GMDS: variants seen among roughly 807,000 people sequenced by gnomAD.
GMDS encodes GDP-mannose 4,6-dehydratase.
In GMDS, 20 loss-of-function variants were observed where a neutral mutation model predicts 49.9. That is an observed-to-expected ratio of 0.40 (90% CI 0.28 to 0.58). The LOEUF (loss-of-function observed/expected upper bound fraction) is 0.58, where lower values mean the gene tolerates loss of function less well. GMDS is among the 20% of genes least tolerant of loss of function. The pLI is 0.42. For missense variants in GMDS, 362 were observed against 481.4 expected (o/e 0.75, Z 2.32); for synonymous variants, 177 against 178.6 (o/e 0.99, Z 0.07).
At chr6:1,844,158 T>C (rs1003310552) in intron 7 of GMDS, among the ~76,000 whole-genome samples, 1 of 152,254 alleles carries the variant, frequency 6.6e-6, no homozygotes, top group African/African-American at 2.4e-5. Context: ...CTAGGGCTTA[T>C]TATCCCCAAA....
At chr6:2,235,461 A>G (rs1231898955) in intron 1 of GMDS, among the ~76,000 whole-genome samples, 1 of 152,172 alleles carries the variant, frequency 6.6e-6, no homozygotes. Flanking sequence ...TTCAAGCAAA[A>G]AGAAAACAAA....
At chr6:2,058,127 G>C (rs1770885799) in intron 4 of GMDS, among the ~76,000 whole-genome samples, 1 of 152,124 alleles carries the variant, frequency 6.6e-6, no homozygotes, top group Non-Finnish European at 1.5e-5. Context: ...GGAAGGCCAA[G>C]GCAGGCGGAT....
At chr6:2,193,785 G>A (rs145222786) in intron 1 of GMDS, among the ~76,000 whole-genome samples, 163 of 145,620 alleles carry the variant, frequency 1.1e-3, no homozygotes, top group Middle Eastern at 3.6e-3. Context: ...GTGCAGTGGC[G>A]CGATCTCGGC....
At chr6:1,811,911 GA>G (rs1770445843) in intron 7 of GMDS, among the ~76,000 whole-genome samples, 1 of 152,136 alleles carries the variant, frequency 6.6e-6, no homozygotes, top group Non-Finnish European at 1.5e-5. Flanking sequence ...TTTCATATTA[GA>G]ATCAAAAGCT....
intron 1 of GMDS, among the ~76,000 whole-genome samples, chr6:2,185,646 C>T (rs1384448309): frequency 6.6e-6 from 1 of 152,184 alleles, no homozygotes; most frequent in African/African-American, 2.4e-5. Flanking sequence ...CCTTCACCCA[C>T]ATGTCTCAGA....
intron 7 of GMDS, among the ~76,000 whole-genome samples, chr6:1,928,991 A>G (rs1333124967): frequency 6.6e-6 from 1 of 151,872 alleles, no homozygotes; most frequent in African/African-American, 2.4e-5. Context: ...ATAAATAAAT[A>G]AATAAATAAA....
intron 1 of GMDS, among the ~76,000 whole-genome samples, chr6:2,183,188 T>C (rs1049244682): frequency 2.0e-5 from 3 of 152,106 alleles, no homozygotes; most frequent in African/African-American, 7.3e-5. Flanking sequence ...AAGAAATGCA[T>C]TTTTCTTAGG....
At chr6:2,143,901 T>TATTC (rs1171219945) in intron 1 of GMDS, among the ~76,000 whole-genome samples, 4 of 152,216 alleles carry the variant, frequency 2.6e-5, no homozygotes, top group South Asian at 2.1e-4. Context: ...TTCCCTCCCA[T>TATTC]ATTCATTCAT....
chr6:1,624,208 G>T lies in GMDS; in HGVS notation c.1080C>A (p.His360Gln). 1 of 1,611,058 alleles carries T rather than the reference G, an allele frequency of 6.2e-7. No homozygotes were observed. The highest frequency in any genetic ancestry group is 2.2e-5 in the East Asian group (1 of 44,866). ...TTGTCCTCATGAGCTCCACGTCGGC[G>T]TGCACCATCTCCCTCACCAGCTCCT... Reference protein sequence around the residue: ...AFDELVREMVHADVELMRTNP... With the variant: ...AFDELVREMVQADVELMRTNP... The change falls in exon 11 of 11, where the codon CAC becomes CAA. Residue 360 changes from histidine to glutamine, a missense_variant. By Grantham distance (24) the His-to-Gln change is conservative. Transcript: ENST00000380815.
At chr6:1,693,173 G>T (rs527559216) in intron 9 of GMDS, among the ~76,000 whole-genome samples, 5 of 152,302 alleles carry the variant, frequency 3.3e-5, no homozygotes, top group African/African-American at 1.2e-4. Flanking sequence ...CAGTCTGGCT[G>T]GTGGAAACAG....
chr6:2,071,793 T>C (rs1392323257), intron 4 of GMDS, among the ~76,000 whole-genome samples: 1 of 152,114 alleles, frequency 6.6e-6, no homozygotes, highest in African/African-American at 2.4e-5. Flanking sequence ...AGGCAAATGA[T>C]TGCGAAGACT....
chr6:1,878,004 T>C (rs1759161773), intron 7 of GMDS, among the ~76,000 whole-genome samples: 1 of 152,136 alleles, frequency 6.6e-6, no homozygotes, highest in South Asian at 2.1e-4. Context: ...TATAACTGTA[T>C]GTAGAAATGT....
intron 1 of GMDS, among the ~76,000 whole-genome samples, chr6:2,231,426 T>C (rs946969676): frequency 3.3e-5 from 5 of 151,906 alleles, no homozygotes; most frequent in African/African-American, 7.3e-5. Context: ...TAGCCAGATA[T>C]GGTAGAACCC....
intron 2 of GMDS, among the ~76,000 whole-genome samples, chr6:2,118,471 T>C (rs1028009069): frequency 5.3e-5 from 8 of 152,260 alleles, no homozygotes; most frequent in Non-Finnish European, 7.3e-5. Flanking sequence ...TATACTTCTA[T>C]ATTTTAACTC....
At chr6:2,105,096 G>C (rs1274384982) in intron 4 of GMDS, among the ~76,000 whole-genome samples, 2 of 150,350 alleles carry the variant, frequency 1.3e-5, no homozygotes, top group Non-Finnish European at 3.0e-5. Flanking sequence ...GCTGGAGAAT[G>C]GCGTGAACCC....
chr6:1,666,387 GA>G (rs1764240746), intron 9 of GMDS, among the ~76,000 whole-genome samples: 1 of 152,112 alleles, frequency 6.6e-6, no homozygotes, highest in Admixed American at 6.5e-5. Flanking sequence ...ATTTATGGAG[GA>G]AATATGGTTA....
chr6:1,993,541 A>G (rs1411576905), intron 4 of GMDS, among the ~76,000 whole-genome samples: 1 of 152,208 alleles, frequency 6.6e-6, no homozygotes, highest in Non-Finnish European at 1.5e-5. Context: ...CTTACTACGG[A>G]AAGTAAAAGA....
chr6:1,738,154 T>TAC (rs34042918), intron 8 of GMDS, among the ~76,000 whole-genome samples: 139,527 of 149,652 alleles, frequency 0.93, 65,155 homozygotes, highest in East Asian at 1. Context: ...CAGATACACA[T>TAC]ACACACACAC....
chr6:1,648,186 C>T (rs1488591321), intron 9 of GMDS, among the ~76,000 whole-genome samples: 1 of 152,184 alleles, frequency 6.6e-6, no homozygotes, highest in African/African-American at 2.4e-5. Context: ...AATGGCTTAT[C>T]ATATCCTCTC....
Sources: gnomAD v4.1 joint callset for allele counts (sites outside exome capture counted in the v4.1 genomes callset) on GRCh38, gnomAD v4.1.1 for gene constraint, MANE v1.5 for transcripts, NCBI Gene and HGNC (gene_info 2026-07-23, HGNC 2026-07-21) for gene names.